ARHGEF10L: variants seen among roughly 807,000 people sequenced by gnomAD.
The protein encoded by ARHGEF10L is Rho guanine nucleotide exchange factor 10 like, also known as rho guanine nucleotide exchange factor 10-like protein.
A neutral mutation model predicts 141.2 loss-of-function variants in ARHGEF10L; 69 were observed. The ratio of observed to expected loss-of-function variants is 0.49; its 90% CI spans 0.40 to 0.60. The LOEUF (loss-of-function observed/expected upper bound fraction) is 0.60, where lower values mean the gene tolerates loss of function less well. ARHGEF10L is among the 20% of genes least tolerant of loss of function. The pLI is 0.00. For synonymous variants in ARHGEF10L, 711 were observed against 718.5 expected (o/e 0.99, Z 0.17); for missense variants, 1,482 against 1,734.3 (o/e 0.85, Z 2.58).
intron 7 of ARHGEF10L, 80 bp from the exon 8 acceptor site, chr1:17,612,978 G>T: frequency 1.0e-6 from 1 of 965,716 alleles, no homozygotes; most frequent in Non-Finnish European, 1.7e-6. Flanking sequence ...TTTCTCCCCT[G>T]TTGTCTGTGT....
At chr1:17,618,261 C>CCCCCCCCCCCCAA in intron 9 of ARHGEF10L, 1 of 1,344,994 alleles carries the variant, frequency 7.4e-7, no homozygotes, top group Non-Finnish European at 9.9e-7. Context: ...CAGCCCTCCC[C>CCCCCCCCCCCCAA]ACCCCGCCCA....
the ARHGEF10L span, among the ~76,000 whole-genome samples, chr1:17,533,513 T>C: frequency 6.6e-6 from 1 of 152,154 alleles, no homozygotes; most frequent in Admixed American, 6.6e-5. Flanking sequence ...GAATGGGCTA[T>C]TCAGACTAGT....
intron 13 of ARHGEF10L, among the ~76,000 whole-genome samples, chr1:17,624,966 G>A (rs1321822246): frequency 6.6e-6 from 1 of 152,264 alleles, no homozygotes; most frequent in Non-Finnish European, 1.5e-5. Flanking sequence ...CATGTGCCCA[G>A]CCTCTGCTGA....
chr1:17,539,241 C>A (rs1186092907), upstream of ARHGEF10L, among the ~76,000 whole-genome samples: 1 of 152,170 alleles, frequency 6.6e-6, no homozygotes, highest in Non-Finnish European at 1.5e-5. This position sits in a 1 kb window ranked among gnomAD's most constrained non-coding sequence, Gnocchi z 6.0. Context: ...CAATACGGGG[C>A]CGCCAAGACT....
At position 17,625,608 on chromosome 1, in the gene ARHGEF10L, A is replaced by C. The variant is rs148342446; in HGVS notation, c.1318-348A>C. Reference sequence around the variant, plus strand: ...TGTGCCCCGCCCCTTACCCTAGCCCAAATCTGTCTGCATTTAGTTTAAGTG... The same window carrying C: ...TGTGCCCCGCCCCTTACCCTAGCCCCAATCTGTCTGCATTTAGTTTAAGTG... On this transcript the variant is annotated intron_variant, in intron 13 of 28. Transcript: ENST00000361221. This position sits in a 1 kb window ranked among gnomAD's most constrained non-coding sequence, Gnocchi z 4.5. 4.6e-5 allele frequency among the ~76,000 whole-genome samples: 7 copies of C among 152,296 alleles called. No individual in the cohort carries two copies. The East Asian group carries it at 1.4e-3, about 29-fold the overall frequency.
At chr1:17,632,681 C>T (rs575587634) in intron 16 of ARHGEF10L, among the ~76,000 whole-genome samples, 8 of 152,350 alleles carry the variant, frequency 5.3e-5, no homozygotes, top group South Asian at 2.1e-4. Context: ...CCCTCAGCCT[C>T]GGGCACACAG....
rs1037562643 is a variant in ARHGEF10L at position 17,640,212 on chromosome 1, C to T, written c.2182C>T (p.Pro728Ser). The T allele has an allele frequency of 4.3e-6, 7 of 1,611,738 alleles. No individual in the cohort carries two copies. Among genetic ancestry groups the T allele is most frequent in the Non-Finnish European group, 5.9e-6 (7 of 1,179,016 alleles). Residue 728 changes from proline to serine, a missense_variant, in exon 21 of 29, where the codon CCC (proline) becomes TCC (serine). Pro to Ser is a moderately conservative substitution (Grantham distance 74). Transcript: ENST00000361221. Reference protein sequence around the residue: ...LPGKPDKSGRPISFMVVFITP... With the variant: ...LPGKPDKSGRSISFMVVFITP... Reference sequence around the variant, plus strand: ...CCCTTCTCACCACAGGTCCGGCCGCCCCATTAGCTTCATGGTGGTTTTCAT... The same window carrying T: ...CCCTTCTCACCACAGGTCCGGCCGCTCCATTAGCTTCATGGTGGTTTTCAT...
At position 17,607,903 on chromosome 1, in the gene ARHGEF10L, G is replaced by A. The variant is rs1462446950; in HGVS notation, c.535G>A (p.Glu179Lys). Residue 179 changes from glutamate to lysine, a missense_variant, in exon 7 of 29, where the codon GAG becomes AAG. By Grantham distance (56) the Glu-to-Lys change is moderately conservative. Around this residue, in one of 3 missense-constraint regions of ARHGEF10L, gnomAD observed 392 missense variants for 542.1 expected, o/e 0.72. Transcript: ENST00000361221. The surrounding 1 kb of genome is among the most constrained non-coding windows in gnomAD (Gnocchi z 4.5). ...WSSSEFESYSEDSGEEAKPEV... is the reference protein window; with the variant it reads ...WSSSEFESYSKDSGEEAKPEV... ...CTCCAGTGAGTTCGAGAGCTACAGC[G>A]AGGACTCGGGGGAGGAGGCCAAGCC... The A allele has an allele frequency of 2.6e-6, 4 of 1,553,708 alleles. No homozygotes were observed. The highest frequency in any genetic ancestry group is 3.5e-6 in the Non-Finnish European group (4 of 1,153,192).
intron 18 of ARHGEF10L, among the ~76,000 whole-genome samples, chr1:17,635,921 C>T (rs2060971800): frequency 1.3e-5 from 2 of 152,174 alleles, no homozygotes; most frequent in African/African-American, 2.4e-5. Flanking sequence ...AGGAGGCTGC[C>T]TCATGGGCCA....
intron 2 of ARHGEF10L, among the ~76,000 whole-genome samples, chr1:17,583,623 G>C (rs1410925022): frequency 6.6e-6 from 1 of 152,128 alleles, no homozygotes; most frequent in African/African-American, 2.4e-5. Flanking sequence ...TGGGTGAGCT[G>C]GAGTCTGAGC....
chr1:17,607,438 G>T lies in ARHGEF10L; in HGVS notation c.434-364G>T, dbSNP rs764364459. ...CACAGTGAGCTATGATTGTACCACT[G>T]CACTCCAGCCTGGGCGAGACAATGA... On this transcript the variant is annotated intron_variant, in intron 6 of 28. Transcript: ENST00000361221. The surrounding 1 kb of genome is among the most constrained non-coding windows in gnomAD (Gnocchi z 4.5). Among the ~76,000 whole-genome samples, 9 of 152,186 alleles carry T rather than the reference G, an allele frequency of 5.9e-5. No homozygotes were observed. The highest frequency in any genetic ancestry group is 5.9e-4 in the Admixed American group (9 of 15,278).
intron 2 of ARHGEF10L, among the ~76,000 whole-genome samples, chr1:17,584,055 T>G (rs370360914): frequency 1.2e-4 from 18 of 151,922 alleles, no homozygotes; most frequent in Non-Finnish European, 1.2e-4. Context: ...TTTTGTTTAT[T>G]TTTTTTTGAG....
At chr1:17,547,756 A>G (rs1018651506) in intron 1 of ARHGEF10L, among the ~76,000 whole-genome samples, 3 of 152,248 alleles carry the variant, frequency 2.0e-5, no homozygotes, top group African/African-American at 7.2e-5. Flanking sequence ...TGAAGAAAAC[A>G]CAGAGAAAAT....
chr1:17,539,572 G>A (rs2076639979), upstream of ARHGEF10L, among the ~76,000 whole-genome samples: 1 of 151,848 alleles, frequency 6.6e-6, no homozygotes, highest in Admixed American at 6.5e-5. The surrounding 1 kb of genome is among the most constrained non-coding windows in gnomAD (Gnocchi z 6.0). Context: ...GGTCGGGGGA[G>A]GCCACGTCTC....
At chr1:17,680,861 G>A (rs1199566347) in intron 26 of ARHGEF10L, among the ~76,000 whole-genome samples, 1 of 148,076 alleles carries the variant, frequency 6.8e-6, no homozygotes, top group Non-Finnish European at 1.5e-5. Flanking sequence ...TCGGCTCACT[G>A]CAATTTCTGC....
intron 26 of ARHGEF10L, among the ~76,000 whole-genome samples, chr1:17,682,741 G>T (rs12132985): frequency 0.02 from 3,108 of 152,194 alleles, 49 homozygotes; most frequent in Non-Finnish European, 0.031. Context: ...CCTGGTGGTG[G>T]GTGGGCAGGT....
Position 17,607,867 on chromosome 1 carries a change from C to G in ARHGEF10L, c.499C>G (p.Leu167Val), listed in dbSNP as rs748176689. ...TGGGGCCCCTCGGCAGGCGGAGGAC[C>G]TAGGCTGGAGCTCCAGTGAGTTCGA... ...RAGAPRQAED[L>V]GWSSSEFESY... Residue 167 changes from leucine to valine, a missense_variant, in exon 7 of 29, where the codon CTA becomes GTA. Transcript: ENST00000361221. The surrounding 1 kb of genome is among the most constrained non-coding windows in gnomAD (Gnocchi z 4.5). 50 of 1,586,672 alleles carry G rather than the reference C, an allele frequency of 3.2e-5. 1 individual carries two copies. The South Asian group carries it at 5.7e-4, about 18-fold the overall frequency.
At chr1:17,677,159 AG>A (rs2063776775) in intron 26 of ARHGEF10L, among the ~76,000 whole-genome samples, 1 of 152,164 alleles carries the variant, frequency 6.6e-6, no homozygotes, top group South Asian at 2.1e-4. Context: ...CCTTTACGTC[AG>A]GTGAGGAGCC....
At chr1:17,655,436 T>TGTCC (rs1320269301) in intron 23 of ARHGEF10L, among the ~76,000 whole-genome samples, 1 of 134,638 alleles carries the variant, frequency 7.4e-6, no homozygotes, top group Non-Finnish European at 1.6e-5. Context: ...GTCTATCATC[T>TGTCC]GTCCATCCAT....
Sources: gnomAD v4.1 joint callset for allele counts (sites outside exome capture counted in the v4.1 genomes callset) on GRCh38, gnomAD v4.1.1 for gene constraint, gnomAD v4.1.1 regional missense constraint, Gnocchi (gnomAD v3.1) non-coding constraint, MANE v1.5 for transcripts, NCBI Gene and HGNC (gene_info 2026-07-23, HGNC 2026-07-21) for gene names.